PTPRC: variants seen among roughly 807,000 people sequenced by gnomAD.
PTPRC encodes protein tyrosine phosphatase receptor type C, also known as receptor-type tyrosine-protein phosphatase C.
PTPRC carries 44 observed loss-of-function variants against 155.9 expected under a neutral mutation model. The ratio of observed to expected loss-of-function variants is 0.28; its 90% CI spans 0.22 to 0.36. The LOEUF (loss-of-function observed/expected upper bound fraction) is 0.36, where lower values mean the gene tolerates loss of function less well. Among genes scored for constraint, PTPRC ranks in the 10% least tolerant of loss-of-function variants. The probability of loss-of-function intolerance (pLI) is 1.00; values close to 1 mark genes in which losing one functional copy is unlikely to be tolerated. For synonymous variants in PTPRC, 525 were observed against 533.1 expected, an observed-to-expected ratio of 0.98 and a Z score of 0.21; for missense variants, 1,401 against 1,564.6, an observed-to-expected ratio of 0.90 and a Z score of 1.76.
chr1:198,734,293 T>A, intron 21 of PTPRC, 35 bp from the exon 22 acceptor site: 1 of 1,609,454 alleles, frequency 6.2e-7, no homozygotes, highest in Non-Finnish European at 8.5e-7. Context: ...TTTAAGAAAA[T>A]TTTTCTTATC....
chr1:198,727,823 T>TAACTA (rs1654207669), intron 15 of PTPRC, among the ~76,000 whole-genome samples: 1 of 152,194 alleles, frequency 6.6e-6, no homozygotes, highest in South Asian at 2.1e-4. Context: ...AGTCTTATCC[T>TAACTA]AACTATAGAA....
chr1:198,709,837 C>T lies in PTPRC; in HGVS notation c.1171+13C>T. 1 of 1,608,908 alleles carries T rather than the reference C, an allele frequency of 6.2e-7. No individual in the cohort carries two copies. Among genetic ancestry groups the T allele is most frequent in the African/African-American group, 1.3e-5 (1 of 74,898 alleles). On this transcript the variant is annotated intron_variant, in intron 11 of 32. Transcript: ENST00000442510. ...ACAGATTTTGGGAGTGAGTATGTTA[C>T]TTGCATTTATATGTAAAATTGCTTC...
chr1:198,707,013 G>T, intron 9 of PTPRC, 61 bp downstream of exon 9: 1 of 1,368,894 alleles, frequency 7.3e-7, no homozygotes, highest in Admixed American at 1.7e-5. Flanking sequence ...TGTGTGTGGT[G>T]TTCTCCAGTG....
At chr1:198,710,554 A>G (rs1653246790) in intron 11 of PTPRC, among the ~76,000 whole-genome samples, 1 of 152,236 alleles carries the variant, frequency 6.6e-6, no homozygotes, top group Non-Finnish European at 1.5e-5. Flanking sequence ...TTAGTCTTCC[A>G]GTTCATGAAC....
chr1:198,716,985 A>G, intron 13 of PTPRC, 145 bp downstream of exon 13: 1 of 726,136 alleles, frequency 1.4e-6, no homozygotes, highest in Non-Finnish European at 2.3e-6. Flanking sequence ...AACACGTAAA[A>G]TCTAAAAGTT....
chr1:198,674,633 C>T (rs990223349), intron 2 of PTPRC, among the ~76,000 whole-genome samples: 3 of 150,612 alleles, frequency 2.0e-5, no homozygotes, highest in Non-Finnish European at 3.0e-5. Context: ...TGAAAATGTC[C>T]CAATCACAAA....
Position 198,674,348 on chromosome 1 carries a change from ATAGG to A in PTPRC, c.74-17992_74-17989del, listed in dbSNP as rs575479633. Among the ~76,000 whole-genome samples the A allele has an allele frequency of 2.7e-3, 415 of 152,260 alleles. 1 individual carries two copies. The highest frequency in any genetic ancestry group is 9.1e-3 in the African/African-American group (379 of 41,564). On this transcript the variant is annotated intron_variant, in intron 2 of 32. Coordinates refer to ENST00000442510, the MANE Select transcript of PTPRC (RefSeq NM_002838.5). ...TAAAGCAGTTTCAAGTATTAAGTAG[ATAGG>A]TAGGTAAGCTTTATTATATTTTTTA... is the stretch of plus-strand genomic sequence containing the variant.
chr1:198,711,309 A>G (rs1002038642), intron 11 of PTPRC, among the ~76,000 whole-genome samples: 5 of 152,226 alleles, frequency 3.3e-5, no homozygotes, highest in African/African-American at 9.6e-5. Flanking sequence ...CAATTATTAC[A>G]TTCTTTATAA....
Position 198,756,455 on chromosome 1 carries a change from G to GGTGT in PTPRC, c.*279_*282dup. The GGTGT allele has an allele frequency of 3.0e-6, 1 of 335,766 alleles. No individual in the cohort carries two copies. Among genetic ancestry groups the GGTGT allele is most frequent in the Non-Finnish European group, 5.5e-6 (1 of 182,014 alleles). The allele number at this position is 335,766 out of a possible 1,614,324, so 20.8% of individuals were successfully genotyped here. On this transcript the variant is annotated 3_prime_UTR_variant, in exon 33 of 33. Transcript: ENST00000442510. ...ATGTGTGTATATGTATGTGTGTATG[G>GGTGT]GTGTGTGTTTGTGTGAGAGACAGAG...
intron 2 of PTPRC, among the ~76,000 whole-genome samples, chr1:198,677,464 AT>A (rs920201987): frequency 5.0e-4 from 73 of 144,648 alleles, no homozygotes; most frequent in East Asian, 3.0e-3. Context: ...CCACATTGCT[AT>A]TTTTTTTTTT....
chr1:198,742,489 T>G, intron 25 of PTPRC, 122 bp downstream of exon 25: 2 of 1,264,192 alleles, frequency 1.6e-6, no homozygotes, highest in Non-Finnish European at 2.2e-6. Flanking sequence ...AGTAGATGAT[T>G]TCCTGAAAAC....
chr1:198,717,441 GA>G (rs956392489), intron 13 of PTPRC, among the ~76,000 whole-genome samples: 64 of 152,250 alleles, frequency 4.2e-4, no homozygotes, highest in African/African-American at 1.4e-3. Flanking sequence ...CTCCATCGAG[GA>G]CAGGGAAGAA....
intron 2 of PTPRC, among the ~76,000 whole-genome samples, chr1:198,672,540 G>A (rs916878358): frequency 6.6e-6 from 1 of 152,102 alleles, no homozygotes; most frequent in Non-Finnish European, 1.5e-5. Flanking sequence ...CGCCATCTGG[G>A]CTCCCTGCAA....
intron 2 of PTPRC, among the ~76,000 whole-genome samples, chr1:198,654,539 A>G (rs925954664): frequency 6.6e-6 from 1 of 151,732 alleles, no homozygotes; most frequent in African/African-American, 2.4e-5. Context: ...CTGTTGTCCT[A>G]TTTTACAATT....
chr1:198,700,331 A>C (rs1666402962), intron 5 of PTPRC, among the ~76,000 whole-genome samples: 1 of 152,182 alleles, frequency 6.6e-6, no homozygotes, highest in African/African-American at 2.4e-5. Flanking sequence ...TCAGATCACA[A>C]ATCCACACAG....
chr1:198,709,913 T>C, intron 11 of PTPRC, 89 bp downstream of exon 11: 3 of 1,516,002 alleles, frequency 2.0e-6, no homozygotes, highest in Non-Finnish European at 1.8e-6. Flanking sequence ...TGAATTGTCT[T>C]TTTGCTGTTT....
intron 18 of PTPRC, among the ~76,000 whole-genome samples, 162 bp downstream of exon 18, chr1:198,731,888 T>C (rs1276817420): frequency 6.6e-6 from 1 of 152,008 alleles, no homozygotes; most frequent in Non-Finnish European, 1.5e-5. Context: ...GAAGAGAGAC[T>C]CATAGAGGTT....
chr1:198,656,974 G>A (rs114859480), intron 2 of PTPRC, among the ~76,000 whole-genome samples: 100 of 150,962 alleles, frequency 6.6e-4, no homozygotes, highest in African/African-American at 2.3e-3. Flanking sequence ...ATATCTACTT[G>A]TGTTAATAGA....
chr1:198,752,108 T>C, intron 29 of PTPRC, 141 bp from the exon 30 acceptor site: 1 of 952,872 alleles, frequency 1.0e-6, no homozygotes, highest in Non-Finnish European at 1.6e-6. Flanking sequence ...TTTTTATAAG[T>C]AGGTTTCAAT....
Sources: gnomAD v4.1 joint callset for allele counts (sites outside exome capture counted in the v4.1 genomes callset) on GRCh38, gnomAD v4.1.1 for gene constraint, MANE v1.5 for transcripts, NCBI Gene and HGNC (gene_info 2026-07-23, HGNC 2026-07-21) for gene names.